KCNMA1: variants seen among roughly 807,000 people sequenced by gnomAD.
KCNMA1 encodes the protein potassium calcium-activated channel subfamily M alpha 1, also known as Calcium-activated potassium channel subunit alpha-1.
A neutral mutation model predicts 140.0 loss-of-function variants in KCNMA1; 29 were observed. The ratio of observed to expected loss-of-function variants is 0.21; its 90% CI spans 0.15 to 0.28. The LOEUF (loss-of-function observed/expected upper bound fraction) is 0.28, where lower values mean the gene tolerates loss of function less well. KCNMA1 is among the 10% of genes least tolerant of loss of function. The pLI, the probability that KCNMA1 is intolerant of heterozygous loss-of-function variation, is 1.00. For missense variants in KCNMA1, 880 were observed against 1,602.2 expected (o/e 0.55, Z 7.70); for synonymous variants, 612 against 611.9 (o/e 1.00, Z 0.00).
chr10:77,214,054 A>G (rs920364345), intron 3 of KCNMA1, among the ~76,000 whole-genome samples: 2 of 152,004 alleles, frequency 1.3e-5, no homozygotes, highest in African/African-American at 4.8e-5. Context: ...CTCCTTCCAT[A>G]ACAGAAGCCC....
intron 2 of KCNMA1, among the ~76,000 whole-genome samples, chr10:77,387,295 T>A (rs1275546542): frequency 1.3e-5 from 2 of 152,172 alleles, no homozygotes; most frequent in South Asian, 2.1e-4. Flanking sequence ...GCTGACAAAT[T>A]TGCTGTTTCT....
downstream of KCNMA1, chr10:76,883,897 T>C (rs1402373452): frequency 3.2e-5 from 16 of 502,486 alleles, no homozygotes; most frequent in Non-Finnish European, 3.9e-5. Flanking sequence ...AAGTATAATA[T>C]AGTAATTTTG....
intron 9 of KCNMA1, chr10:77,091,390 C>T (rs2096813045): frequency 6.6e-6 from 1 of 152,232 alleles, no homozygotes; most frequent in South Asian, 2.1e-4. Context: ...GACAGTCCCT[C>T]CAACCGCTCG....
intron 1 of KCNMA1, among the ~76,000 whole-genome samples, chr10:77,500,287 A>C (rs992568165): frequency 9.2e-5 from 14 of 151,446 alleles, no homozygotes; most frequent in African/African-American, 3.4e-4. Context: ...AAAATTATAC[A>C]CTGTTTATAA....
chr10:76,982,792 G>A (rs1439609973), intron 19 of KCNMA1, among the ~76,000 whole-genome samples: 3 of 152,148 alleles, frequency 2.0e-5, no homozygotes, highest in South Asian at 2.1e-4. Flanking sequence ...AAACTGCCTA[G>A]CTCGCTCAGC....
intron 1 of KCNMA1, among the ~76,000 whole-genome samples, chr10:77,416,310 A>T (rs75307156): frequency 0.027 from 4,104 of 152,204 alleles, 185 homozygotes; most frequent in African/African-American, 0.094. Context: ...GCTGGCCCAC[A>T]CAATAGGGGA....
intron 3 of KCNMA1, among the ~76,000 whole-genome samples, chr10:77,241,058 G>A (rs1229506373): frequency 2.0e-5 from 3 of 152,128 alleles, no homozygotes; most frequent in Non-Finnish European, 2.9e-5. Context: ...CCAAAGCCAA[G>A]TTATCAGACA....
At chr10:77,198,404 C>T (rs950475694) in intron 3 of KCNMA1, among the ~76,000 whole-genome samples, 8 of 151,954 alleles carry the variant, frequency 5.3e-5, no homozygotes, top group African/African-American at 1.7e-4. Flanking sequence ...AAGTTAACCA[C>T]GCTCTCAAGT....
At chr10:77,204,488 G>A (rs2154161277) in intron 3 of KCNMA1, among the ~76,000 whole-genome samples, 1 of 152,296 alleles carries the variant, frequency 6.6e-6, no homozygotes, top group Admixed American at 6.5e-5. Flanking sequence ...TAATGAGTAT[G>A]CACTTTTCTC....
At chr10:77,307,281 C>T (rs1296566967) in intron 2 of KCNMA1, among the ~76,000 whole-genome samples, 2 of 152,130 alleles carry the variant, frequency 1.3e-5, no homozygotes, top group Admixed American at 6.5e-5. Flanking sequence ...TTTATATCAT[C>T]CCTGTACATG....
intron 5 of KCNMA1, among the ~76,000 whole-genome samples, chr10:77,137,469 G>C (rs1295944772): frequency 6.6e-6 from 1 of 152,138 alleles, no homozygotes; most frequent in Non-Finnish European, 1.5e-5. Flanking sequence ...GGCATATCAG[G>C]GTAAACAGAG....
intron 17 of KCNMA1, chr10:77,012,601 C>T: frequency 6.9e-7 from 1 of 1,456,356 alleles, no homozygotes; most frequent in Non-Finnish European, 9.4e-7. Context: ...GTGGGTTCCT[C>T]TGTCAAACCC....
intron 5 of KCNMA1, among the ~76,000 whole-genome samples, chr10:77,136,915 T>G (rs12252174): frequency 0.44 from 66,151 of 151,972 alleles, 15,118 homozygotes; most frequent in Non-Finnish European, 0.49. Flanking sequence ...ATGAGACCAT[T>G]GGCTCCAGGT....
chr10:76,878,230 T>A (rs2032952016), intron 29 of KCNMA1, among the ~76,000 whole-genome samples: 1 of 152,096 alleles, frequency 6.6e-6, no homozygotes, highest in Admixed American at 6.6e-5. Context: ...GGAGGGGATG[T>A]TGCATATATC....
intron 2 of KCNMA1, among the ~76,000 whole-genome samples, chr10:77,327,839 G>A (rs182296): frequency 0.2 from 31,157 of 152,032 alleles, 3,441 homozygotes; most frequent in Admixed American, 0.26. Flanking sequence ...TAGTCTGTGC[G>A]ATCTTAGGTA....
At chr10:76,964,846 A>G (rs2073248121) in intron 20 of KCNMA1, among the ~76,000 whole-genome samples, 1 of 152,184 alleles carries the variant, frequency 6.6e-6, no homozygotes. Context: ...TCCTCAAATC[A>G]TATTTTGCCT....
chr10:77,292,417 C>T (rs570888444), intron 2 of KCNMA1, among the ~76,000 whole-genome samples: 8 of 152,304 alleles, frequency 5.3e-5, no homozygotes, highest in South Asian at 4.1e-4. Context: ...AGATGAATTC[C>T]CCACCTATTG....
chr10:77,364,241 A>G (rs2094193300), intron 2 of KCNMA1, among the ~76,000 whole-genome samples: 1 of 152,180 alleles, frequency 6.6e-6, no homozygotes, highest in African/African-American at 2.4e-5. Flanking sequence ...ACCTGAGATC[A>G]GGAGTTCAAG....
intron 1 of KCNMA1, among the ~76,000 whole-genome samples, chr10:77,595,690 G>T (rs1161275011): frequency 3.3e-5 from 5 of 152,086 alleles, no homozygotes; most frequent in African/African-American, 1.2e-4. Flanking sequence ...TTTTGAGATG[G>T]ACTCTCACTC....
Sources: gnomAD v4.1 joint callset for allele counts (sites outside exome capture counted in the v4.1 genomes callset) on GRCh38, gnomAD v4.1.1 for gene constraint, MANE v1.5 for transcripts, NCBI Gene and HGNC (gene_info 2026-07-23, HGNC 2026-07-21) for gene names.